Variants in TRIP12 observed in about 807,000 individuals in gnomAD.
TRIP12 encodes thyroid hormone receptor interactor 12, also known as E3 ubiquitin-protein ligase TRIP12.
In TRIP12, 25 loss-of-function variants were observed where a neutral mutation model predicts 244.2. The observed-to-expected ratio is 0.10, with a 90% confidence interval of 0.07 to 0.14. The LOEUF (loss-of-function observed/expected upper bound fraction) is 0.14. TRIP12 is among the 10% of genes least tolerant of loss of function. TRIP12 has a pLI of 1.00. For synonymous variants in TRIP12, 905 were observed against 873.1 expected (o/e 1.04, Z -0.64); for missense variants, 1,677 against 2,486.4 (o/e 0.67, Z 6.92).
chr2:229,821,034 G>A (rs2049913444), intron 8 of TRIP12, among the ~76,000 whole-genome samples: 1 of 152,166 alleles, frequency 6.6e-6, no homozygotes, highest in Non-Finnish European at 1.5e-5. Context: ...ACTGTATATA[G>A]AAAAGATTGG....
intron 1 of TRIP12, among the ~76,000 whole-genome samples, chr2:229,888,552 T>A (rs537585707): frequency 6.6e-6 from 1 of 151,532 alleles, no homozygotes; most frequent in East Asian, 1.9e-4. Flanking sequence ...GGAAGACAGA[T>A]AGGCAGAGTT....
intron 4 of TRIP12, among the ~76,000 whole-genome samples, chr2:229,843,327 A>G (rs139201485): frequency 3.9e-4 from 60 of 152,308 alleles, no homozygotes; most frequent in African/African-American, 1.4e-3. Context: ...TTGTTACTAT[A>G]ATCTTTAAAC....
At chr2:229,855,655 A>G (rs975519488) in intron 4 of TRIP12, among the ~76,000 whole-genome samples, 8 of 151,140 alleles carry the variant, frequency 5.3e-5, no homozygotes, top group Non-Finnish European at 1.0e-4. Flanking sequence ...TCAAGGTCAC[A>G]CCTACTACCC....
chr2:229,808,158 G>A (rs533856793), intron 16 of TRIP12, 94 bp downstream of exon 16: 1 of 934,902 alleles, frequency 1.1e-6, no homozygotes, highest in African/African-American at 1.7e-5. Flanking sequence ...AGTAGAGACG[G>A]GTTTTCATCA....
chr2:229,798,822 T>C, intron 23 of TRIP12, 53 bp downstream of exon 23: 1 of 1,588,024 alleles, frequency 6.3e-7, no homozygotes, highest in Non-Finnish European at 8.6e-7. Context: ...GAAATAATGT[T>C]TAAGTTTTTC....
intron 27 of TRIP12, 49 bp from the exon 28 acceptor site, chr2:229,792,275 A>C (rs1484063545): frequency 1.3e-6 from 2 of 1,573,208 alleles, no homozygotes; most frequent in Non-Finnish European, 1.7e-6. Context: ...TAGGTGTAAA[A>C]AAAAAAAAAT....
At chr2:229,884,226 T>C (rs1234424621) in intron 1 of TRIP12, among the ~76,000 whole-genome samples, 2 of 145,036 alleles carry the variant, frequency 1.4e-5, no homozygotes, top group African/African-American at 5.1e-5. Flanking sequence ...CATTTTGCAA[T>C]TTTTCTTTTC....
chr2:229,860,355 T>A, intron 3 of TRIP12, 51 bp downstream of exon 3: 1 of 1,569,296 alleles, frequency 6.4e-7, no homozygotes, highest in South Asian at 1.2e-5. Context: ...TGCAATGATT[T>A]GAATGCAAAT....
Position 229,880,838 on chromosome 2 carries a change from G to T in TRIP12, c.-49-710C>A, listed in dbSNP as rs145800973. 6.0e-3 allele frequency among the ~76,000 whole-genome samples: 914 copies of T among 152,224 alleles called. 7 individuals are homozygous for T. Among genetic ancestry groups the T allele is most frequent in the African/African-American group, 0.021 (860 of 41,526 alleles). On this transcript the variant is annotated intron_variant, in intron 1 of 41. Transcript: ENST00000675903. Reference sequence around the variant, plus strand: ...GCACATTTGTAAACCCAGCAACTTGGGAGGCTGAGGCAGGAGAATCGCTCG... The same window carrying T: ...GCACATTTGTAAACCCAGCAACTTGTGAGGCTGAGGCAGGAGAATCGCTCG...
At chr2:229,894,772 C>T (rs1033994154) in intron 1 of TRIP12, among the ~76,000 whole-genome samples, 6 of 152,158 alleles carry the variant, frequency 3.9e-5, no homozygotes, top group South Asian at 2.1e-4. Context: ...CAGTATTTAA[C>T]GTGCCTAAGA....
intron 5 of TRIP12, among the ~76,000 whole-genome samples, chr2:229,839,434 T>C (rs990954042): frequency 5.9e-5 from 9 of 151,920 alleles, no homozygotes; most frequent in African/African-American, 2.2e-4. Flanking sequence ...TCCCAGCACT[T>C]TGGGAGGCCG....
At chr2:229,876,518 T>G (rs1459410622) in intron 2 of TRIP12, among the ~76,000 whole-genome samples, 1 of 152,220 alleles carries the variant, frequency 6.6e-6, no homozygotes, top group Non-Finnish European at 1.5e-5. Context: ...ATTGACTGGC[T>G]TAAACTACAT....
At chr2:229,773,983 C>T in intron 38 of TRIP12, 114 bp downstream of exon 38, 1 of 1,097,288 alleles carries the variant, frequency 9.1e-7, no homozygotes, top group African/African-American at 1.6e-5. Context: ...ATGCAGTGGT[C>T]CTGGGGATGT....
intron 1 of TRIP12, among the ~76,000 whole-genome samples, chr2:229,890,743 A>G (rs1230919390): frequency 6.6e-6 from 1 of 152,154 alleles, no homozygotes; most frequent in African/African-American, 2.4e-5. Flanking sequence ...TGTCTCGAAT[A>G]TTTTTCAAAA....
chr2:229,909,340 G>C lies in TRIP12; in HGVS notation c.-50+12540C>G, dbSNP rs58347615. On this transcript the variant is annotated intron_variant, in intron 1 of 41. Coordinates refer to ENST00000675903, the MANE Select transcript of TRIP12 (RefSeq NM_001348323.3). ...GTGGAAGGATCACTTGAGCCTACGA[G>C]TTTGAGACCAGCCTGGGCAACATAG... 5.0e-3 allele frequency among the ~76,000 whole-genome samples: 754 copies of C among 151,824 alleles called. 8 individuals are homozygous for C. Among genetic ancestry groups the C allele is most frequent in the African/African-American group, 0.018 (734 of 41,380 alleles).
chr2:229,850,842 T>A (rs542543165), intron 4 of TRIP12, among the ~76,000 whole-genome samples: 1 of 152,170 alleles, frequency 6.6e-6, no homozygotes, highest in Non-Finnish European at 1.5e-5. Flanking sequence ...CCCCAGGCAA[T>A]GAGGGGCTCA....
chr2:229,902,955 T>G (rs940601958), intron 1 of TRIP12, among the ~76,000 whole-genome samples: 2 of 151,804 alleles, frequency 1.3e-5, no homozygotes, highest in Non-Finnish European at 1.5e-5. Context: ...GCCAATGGTC[T>G]AAACCTGGCT....
chr2:229,774,990 C>CA (rs1000718217), intron 37 of TRIP12, among the ~76,000 whole-genome samples: 3 of 152,050 alleles, frequency 2.0e-5, no homozygotes, highest in African/African-American at 7.2e-5. Flanking sequence ...AACCAACATG[C>CA]AAAAATGCAA....
At chr2:229,922,636 TCTC>T, upstream of TRIP12, 1 of 1,610,516 alleles carries the variant, frequency 6.2e-7, no homozygotes, top group Non-Finnish European at 8.5e-7. Context: ...GTTTACCCTC[TCTC>T]CTAACTCCCT....
Sources: gnomAD v4.1 joint callset for allele counts (sites outside exome capture counted in the v4.1 genomes callset) on GRCh38, gnomAD v4.1.1 for gene constraint, MANE v1.5 for transcripts, NCBI Gene and HGNC (gene_info 2026-07-23, HGNC 2026-07-21) for gene names.